EPHA6: variants seen among roughly 807,000 people sequenced by gnomAD.
EPHA6 encodes EPH receptor A6.
A neutral mutation model predicts 112.0 loss-of-function variants in EPHA6; 50 were observed. That is an observed-to-expected ratio of 0.45 (90% CI 0.36 to 0.56). The LOEUF is 0.56. Ranked by LOEUF, EPHA6 falls within the 20% of genes least tolerant of loss-of-function variation. The pLI, the probability that EPHA6 is intolerant of heterozygous loss-of-function variation, is 0.00. For missense variants in EPHA6, 1,280 were observed against 1,417.4 expected (o/e 0.90, Z 1.56); for synonymous variants, 529 against 490.7 (o/e 1.08, Z -1.03).
intron 5 of EPHA6, among the ~76,000 whole-genome samples, chr3:97,323,516 T>G (rs1379150066): frequency 6.6e-6 from 1 of 151,906 alleles, no homozygotes; most frequent in African/African-American, 2.4e-5. Flanking sequence ...TTTGTATAAA[T>G]TAGTACTCAG....
intron 5 of EPHA6, among the ~76,000 whole-genome samples, chr3:97,400,646 G>A (rs1223885367): frequency 2.6e-5 from 4 of 151,372 alleles, no homozygotes; most frequent in Non-Finnish European, 5.9e-5. Context: ...CATCTCCTTG[G>A]TTAAATATAT....
chr3:97,621,286 G>A (rs1032861811), intron 13 of EPHA6, among the ~76,000 whole-genome samples: 1 of 151,878 alleles, frequency 6.6e-6, no homozygotes, highest in Non-Finnish European at 1.5e-5. Context: ...GTGGGAGGAG[G>A]GAGAGGATCA....
intron 3 of EPHA6, among the ~76,000 whole-genome samples, chr3:97,215,917 A>T (rs892028884): frequency 6.6e-6 from 1 of 152,194 alleles, no homozygotes; most frequent in African/African-American, 2.4e-5. Context: ...TTTATTGAAC[A>T]TATTAGTTTA....
chr3:97,718,597 T>C (rs1005010995), intron 14 of EPHA6, among the ~76,000 whole-genome samples: 1 of 152,200 alleles, frequency 6.6e-6, no homozygotes, highest in Non-Finnish European at 1.5e-5. Context: ...TCCCTTATTT[T>C]ATCTGGCTAC....
At chr3:97,680,884 A>C (rs938351581) in intron 14 of EPHA6, among the ~76,000 whole-genome samples, 1 of 152,188 alleles carries the variant, frequency 6.6e-6, no homozygotes, top group Non-Finnish European at 1.5e-5. Context: ...AAGTCTTTGT[A>C]CTTTCATGAG....
chr3:97,337,908 A>T (rs1203716485), intron 5 of EPHA6, among the ~76,000 whole-genome samples: 1 of 152,130 alleles, frequency 6.6e-6, no homozygotes, highest in Non-Finnish European at 1.5e-5. Context: ...GGATGTAGCA[A>T]TTTACTAAGC....
intron 6 of EPHA6, among the ~76,000 whole-genome samples, chr3:97,419,707 C>A (rs1205420684): frequency 6.6e-6 from 1 of 151,682 alleles, no homozygotes; most frequent in African/African-American, 2.4e-5. Context: ...GAAATCATTA[C>A]CACAAGAGCA....
chr3:97,601,702 G>T (rs572253602), intron 12 of EPHA6, among the ~76,000 whole-genome samples: 36 of 151,984 alleles, frequency 2.4e-4, no homozygotes, highest in African/African-American at 7.2e-4. Context: ...CTTGCCTGGT[G>T]CATTGGGGGT....
intron 3 of EPHA6, among the ~76,000 whole-genome samples, chr3:97,150,432 T>TA (rs1179124511): frequency 2.6e-5 from 4 of 152,126 alleles, no homozygotes; most frequent in African/African-American, 9.7e-5. Flanking sequence ...ATCAATGTCT[T>TA]ACTCTGCAGC....
intron 2 of EPHA6, among the ~76,000 whole-genome samples, chr3:96,907,827 A>G (rs897583934): frequency 6.6e-6 from 1 of 151,936 alleles, no homozygotes; most frequent in South Asian, 2.1e-4. Context: ...CTTCAAATAC[A>G]TAGGTTAAGA....
chr3:97,347,816 A>G (rs1326782029), intron 5 of EPHA6, among the ~76,000 whole-genome samples: 1 of 152,088 alleles, frequency 6.6e-6, no homozygotes, highest in Non-Finnish European at 1.5e-5. Context: ...TCAAAAATGA[A>G]TTTATCTGGC....
chr3:97,196,909 G>T (rs189253653), intron 3 of EPHA6, among the ~76,000 whole-genome samples: 1 of 151,972 alleles, frequency 6.6e-6, no homozygotes, highest in Admixed American at 6.6e-5. Flanking sequence ...TCCACCACTG[G>T]AACTGCATCC....
chr3:97,366,571 T>C (rs757296571), intron 5 of EPHA6, among the ~76,000 whole-genome samples: 13 of 152,074 alleles, frequency 8.5e-5, no homozygotes, highest in Non-Finnish European at 1.3e-4. Flanking sequence ...AATCTTAGAC[T>C]AAATTAATAG....
chr3:97,752,626 TATA>T lies in EPHA6; in HGVS notation c.*3929_*3931del, dbSNP rs886784385. On this transcript the variant is annotated 3_prime_UTR_variant, in exon 18 of 18. Coordinates refer to ENST00000389672, the MANE Select transcript of EPHA6 (RefSeq NM_001080448.3). ...TGGGGCAGGGGGATGTTGCAAAAGC[TATA>T]ATATTTTGGGTTCTATCACATAATT... Among the ~76,000 whole-genome samples, 5 of 152,112 alleles carry T rather than the reference TATA, an allele frequency of 3.3e-5. No homozygotes were observed. The highest frequency in any genetic ancestry group is 1.2e-4 in the African/African-American group (5 of 41,452).
At chr3:96,911,770 T>C (rs2107603762) in intron 2 of EPHA6, among the ~76,000 whole-genome samples, 1 of 152,220 alleles carries the variant, frequency 6.6e-6, no homozygotes, top group Non-Finnish European at 1.5e-5. Context: ...TGGCTCTCTG[T>C]ATAACTTGAA....
chr3:97,219,063 G>A (rs996498632), intron 3 of EPHA6, among the ~76,000 whole-genome samples: 1 of 152,136 alleles, frequency 6.6e-6, no homozygotes, highest in African/African-American at 2.4e-5. Context: ...CCTGATGCAA[G>A]AGGTGGGCTC....
At chr3:97,067,700 A>T (rs1472815742) in intron 3 of EPHA6, among the ~76,000 whole-genome samples, 1 of 152,070 alleles carries the variant, frequency 6.6e-6, no homozygotes, top group Non-Finnish European at 1.5e-5. Context: ...GAGGGGTAGA[A>T]TGAGGAACAA....
intron 11 of EPHA6, among the ~76,000 whole-genome samples, chr3:97,552,292 T>C (rs2093039207): frequency 6.6e-6 from 1 of 152,178 alleles, no homozygotes; most frequent in African/African-American, 2.4e-5. Context: ...TCCATATCTT[T>C]GCTACAGAAA....
At chr3:97,249,230 G>T (rs1405426833) in intron 5 of EPHA6, among the ~76,000 whole-genome samples, 1 of 152,046 alleles carries the variant, frequency 6.6e-6, no homozygotes, top group East Asian at 1.9e-4. Context: ...ATATTCAAAA[G>T]CTAGATATAT....
Sources: gnomAD v4.1 joint callset for allele counts (sites outside exome capture counted in the v4.1 genomes callset) on GRCh38, gnomAD v4.1.1 for gene constraint, MANE v1.5 for transcripts, NCBI Gene and HGNC (gene_info 2026-07-23, HGNC 2026-07-21) for gene names.